The following PPHLN1 variants were observed in gnomAD, a reference collection of about 807,000 sequenced individuals.
PPHLN1 encodes periphilin 1.
PPHLN1 carries 29 observed loss-of-function variants against 51.3 expected under a neutral mutation model. The observed-to-expected ratio is 0.57, with a 90% CI of 0.42 to 0.77. PPHLN1 has a LOEUF of 0.77. PPHLN1 is among the 30% of genes least tolerant of loss of function. PPHLN1 has a pLI of 0.00. For missense variants in PPHLN1, 436 were observed against 438.4 expected, an observed-to-expected ratio of 0.99 and a Z score of 0.05; for synonymous variants, 147 against 147.8, an observed-to-expected ratio of 0.99 and a Z score of 0.04.
intron 2 of PPHLN1, among the ~76,000 whole-genome samples, chr12:42,345,820 CT>C (rs1262229327): frequency 1.3e-5 from 2 of 151,856 alleles, no homozygotes; most frequent in African/African-American, 4.8e-5. Flanking sequence ...TTAAGATAGT[CT>C]TTACAAGTCA....
downstream of PPHLN1, chr12:42,445,032 GTTTA>G (rs1566058180): frequency 1.4e-6 from 1 of 702,112 alleles, no homozygotes; most frequent in Admixed American, 2.0e-5. Flanking sequence ...TGCTTACTCT[GTTTA>G]TTTATTGCAG....
chr12:42,428,108 G>A (rs1413990724), intron 9 of PPHLN1, among the ~76,000 whole-genome samples: 2 of 152,124 alleles, frequency 1.3e-5, no homozygotes, highest in African/African-American at 4.8e-5. Context: ...TCAAAAAACA[G>A]TAGATGTTTG....
At chr12:42,343,797 T>C (rs2071844363) in intron 2 of PPHLN1, 6 of 373,164 alleles carry the variant, frequency 1.6e-5, no homozygotes, top group South Asian at 1.2e-4. Context: ...CATTCTCGAA[T>C]AAGATGCCTT....
intron 4 of PPHLN1, among the ~76,000 whole-genome samples, chr12:42,374,320 C>T (rs1369950316): frequency 6.6e-6 from 1 of 152,076 alleles, no homozygotes; most frequent in Non-Finnish European, 1.5e-5. Context: ...CATTAGCCAC[C>T]TGGTTCTGTT....
Position 42,393,574 on chromosome 12 carries a change from T to C in PPHLN1, c.653T>C (p.Leu218Ser). Reference protein sequence around the residue: ...SGSAVSSSKVLDKPSRLTEKE... With the variant: ...SGSAVSSSKVSDKPSRLTEKE... ...GAAATGTTCTATTTTTATTAGGTGT[T>C]AGACAAACCCAGTAGGCTAACTGAA... Residue 218 changes from leucine (L) to serine (S), a missense_variant, in exon 8 of 10, where the codon TTA becomes TCA. Coordinates refer to ENST00000358314, the MANE Select transcript of PPHLN1 (RefSeq NM_201439.2). 6.2e-7 allele frequency: 1 copy of C among 1,604,028 alleles called. No homozygotes were observed. Among genetic ancestry groups the C allele is most frequent in the Non-Finnish European group, 8.5e-7 (1 of 1,177,096 alleles).
At chr12:42,446,942 C>T (rs902947931), downstream of PPHLN1, 12 of 278,666 alleles carry the variant, frequency 4.3e-5, no homozygotes, top group East Asian at 1.2e-4. Context: ...CAAAGGGGGG[C>T]GACAATGTTC....
intron 3 of PPHLN1, 98 bp downstream of exon 3, chr12:42,352,147 A>G (rs947420711): frequency 3.7e-6 from 4 of 1,092,548 alleles, no homozygotes; most frequent in Non-Finnish European, 4.8e-6. Context: ...GCAGTTGAAT[A>G]AACACTTTCT....
At chr12:42,404,093 T>C (rs575329446) in intron 9 of PPHLN1, among the ~76,000 whole-genome samples, 306 of 152,228 alleles carry the variant, frequency 2.0e-3, no homozygotes, top group African/African-American at 7.2e-3. Flanking sequence ...ATAAGTTCTC[T>C]CACAGAATTG....
At chr12:42,441,155 G>C (rs1204013051) in intron 9 of PPHLN1, among the ~76,000 whole-genome samples, 160 bp from the exon 10 acceptor site, 1 of 152,106 alleles carries the variant, frequency 6.6e-6, no homozygotes, top group East Asian at 1.9e-4. Flanking sequence ...GGTTTAAATG[G>C]CCTCTGGTAA....
intron 2 of PPHLN1, among the ~76,000 whole-genome samples, chr12:42,341,465 C>T (rs1391818368): frequency 2.0e-5 from 3 of 152,058 alleles, no homozygotes; most frequent in Non-Finnish European, 4.4e-5. Context: ...GAGTTTCTAG[C>T]CTTGATAAAC....
intron 2 of PPHLN1, among the ~76,000 whole-genome samples, chr12:42,350,844 A>G (rs2073234458): frequency 6.6e-6 from 1 of 152,056 alleles, no homozygotes; most frequent in Non-Finnish European, 1.5e-5. Flanking sequence ...CGCGCCTGCA[A>G]TCCCAGGCAC....
Position 42,384,980 on chromosome 12 carries a change from A to C in PPHLN1, c.552A>C (p.Glu184Asp), listed in dbSNP as rs982905360. 5.6e-6 allele frequency: 9 copies of C among 1,611,396 alleles called. No homozygotes were observed. The highest frequency in any genetic ancestry group is 1.3e-5 in the African/African-American group (1 of 74,980). Reference sequence around the variant, plus strand: ...GTGCCTCCTACAAACGGCAGAATGAAGGAAATCCTGAAAGAGGTGAGTTTT... The same window carrying C: ...GTGCCTCCTACAAACGGCAGAATGACGGAAATCCTGAAAGAGGTGAGTTTT... The part of the protein sequence containing the change: ...RPGASYKRQN[E>D]GNPERDKERP... Residue 184 changes from glutamate (E) to aspartate (D), a missense_variant, in exon 6 of 10, where the codon GAA becomes GAC. Glu to Asp is a conservative substitution (Grantham distance 45). Transcript: ENST00000358314.
intron 2 of PPHLN1, among the ~76,000 whole-genome samples, chr12:42,342,010 G>C (rs994172650): frequency 2.0e-5 from 3 of 152,152 alleles, no homozygotes; most frequent in Non-Finnish European, 4.4e-5. Flanking sequence ...TGGGTAGGTA[G>C]GTAGCAGACT....
At chr12:42,350,832 C>T (rs56036005) in intron 2 of PPHLN1, among the ~76,000 whole-genome samples, 24,689 of 151,914 alleles carry the variant, frequency 0.16, 2,063 homozygotes, top group Admixed American at 0.2. Flanking sequence ...GGCATGGCGG[C>T]GCGCGCCTGC....
At chr12:42,428,611 CAG>C (rs1400067180) in intron 9 of PPHLN1, among the ~76,000 whole-genome samples, 1 of 151,850 alleles carries the variant, frequency 6.6e-6, no homozygotes, top group African/African-American at 2.4e-5. Context: ...TTTGGAGACT[CAG>C]GGGAAAAGAG....
At chr12:42,375,105 T>A in intron 5 of PPHLN1, 31 bp downstream of exon 5, 2 of 1,490,394 alleles carry the variant, frequency 1.3e-6, no homozygotes, top group Non-Finnish European at 1.8e-6. Context: ...TTTTTTTCTC[T>A]CACAGTCTCC....
chr12:42,362,492 T>C (rs994947054), intron 4 of PPHLN1, among the ~76,000 whole-genome samples: 1 of 152,234 alleles, frequency 6.6e-6, no homozygotes, highest in African/African-American at 2.4e-5. Flanking sequence ...CGTCATTCTT[T>C]GGTCACCTCT....
At position 42,375,078 on chromosome 12, in the gene PPHLN1, T is replaced by C; in HGVS notation, c.511+4T>C. On this transcript the variant is annotated splice_donor_region_variant and intron_variant, in intron 5 of 9. Coordinates refer to ENST00000358314, the MANE Select transcript of PPHLN1 (RefSeq NM_201439.2). The stretch of plus-strand genomic sequence containing the variant: ...TTCCATCAGTCTCAACATAGAAGTA[T>C]GTATTTTAAGACTTTATTTTTTTCT... 6.3e-7 allele frequency: 1 copy of C among 1,593,216 alleles called. No homozygotes were observed. The highest frequency in any genetic ancestry group is 8.6e-7 in the Non-Finnish European group (1 of 1,167,166).
chr12:42,364,829 G>C (rs192941540), intron 4 of PPHLN1, among the ~76,000 whole-genome samples: 1 of 152,168 alleles, frequency 6.6e-6, no homozygotes, highest in Non-Finnish European at 1.5e-5. Flanking sequence ...GCTGAGGCAC[G>C]AGAATCACTT....
Sources: gnomAD v4.1 joint callset for allele counts (sites outside exome capture counted in the v4.1 genomes callset) on GRCh38, gnomAD v4.1.1 for gene constraint, MANE v1.5 for transcripts, NCBI Gene and HGNC (gene_info 2026-07-23, HGNC 2026-07-21) for gene names.